Variants in GRM8 observed in about 807,000 individuals in gnomAD.
GRM8 encodes metabotropic glutamate receptor 8.
A neutral mutation model predicts 87.2 loss-of-function variants in GRM8; 47 were observed. That is an observed-to-expected ratio of 0.54 (90% confidence interval 0.43 to 0.69). The LOEUF (loss-of-function observed/expected upper bound fraction) is 0.69, where lower values mean the gene tolerates loss of function less well. Ranked by LOEUF, GRM8 falls within the 30% of genes least tolerant of loss-of-function variation. The pLI is 0.00. For missense variants in GRM8, 1,019 were observed against 1,139.2 expected (o/e 0.89, Z 1.52); for synonymous variants, 396 against 404.5 (o/e 0.98, Z 0.25).
rs141036951 is a variant in GRM8, at chr7:126,623,999, C to T, written c.1358-14501G>A. ...GCATGGACAGGTTCTATCTTCAGAA[C>T]GTATCTAGAATTTGCCCATTCTTTT... On this transcript the variant is annotated intron_variant, in intron 7 of 10. Coordinates refer to ENST00000339582, the MANE Select transcript of GRM8 (RefSeq NM_000845.3). Among the ~76,000 whole-genome samples the T allele has an allele frequency of 4.6e-3, 700 of 152,268 alleles. 12 individuals are homozygous for T. Among genetic ancestry groups the T allele is most frequent in the South Asian group, 0.042 (205 of 4,826 alleles).
intron 2 of GRM8, among the ~76,000 whole-genome samples, chr7:127,166,572 G>A (rs17867033): frequency 0.011 from 1,656 of 152,262 alleles, 29 homozygotes; most frequent in African/African-American, 0.037. Flanking sequence ...CATTCCAGGA[G>A]CCAGGAAAGG....
In GRM8 at chr7:126,444,869, G is replaced by C. The variant is rs530198673; in HGVS notation, c.2677+1257C>G. 4.6e-4 allele frequency among the ~76,000 whole-genome samples: 70 copies of C among 152,090 alleles called. 1 individual carries two copies. The highest frequency in any genetic ancestry group is 2.2e-3 in the Admixed American group (33 of 15,242). ...GGATTTTGTCCTTAATGCCTGACCG[G>C]GTGTGGTAACTCACACCTGCAATCC... On this transcript the variant is annotated intron_variant, in intron 10 of 10. Transcript: ENST00000339582.
chr7:127,104,835 A>G (rs1273105898), intron 3 of GRM8, among the ~76,000 whole-genome samples: 2 of 152,198 alleles, frequency 1.3e-5, no homozygotes, highest in Non-Finnish European at 2.9e-5. Context: ...AAAACTAAGT[A>G]TTTCTTATTT....
intron 3 of GRM8, among the ~76,000 whole-genome samples, chr7:127,026,683 T>TCC (rs1816812355): frequency 6.6e-6 from 1 of 151,960 alleles, no homozygotes; most frequent in South Asian, 2.1e-4. Flanking sequence ...TTTGCCCACT[T>TCC]TTTGATGGTT....
intron 2 of GRM8, among the ~76,000 whole-genome samples, chr7:127,220,928 C>T (rs568710187): frequency 2.6e-5 from 4 of 152,310 alleles, no homozygotes; most frequent in African/African-American, 9.6e-5. Context: ...GTCACCAAGC[C>T]ATGCAGCCCT....
At chr7:126,485,374 G>T (rs151201353) in intron 9 of GRM8, among the ~76,000 whole-genome samples, 7 of 151,830 alleles carry the variant, frequency 4.6e-5, no homozygotes, top group Non-Finnish European at 4.4e-5. Flanking sequence ...AAAAGGGGGT[G>T]GGGGGCATGA....
At chr7:126,585,337 C>T (rs560541640) in intron 8 of GRM8, among the ~76,000 whole-genome samples, 10 of 152,222 alleles carry the variant, frequency 6.6e-5, no homozygotes, top group African/African-American at 2.4e-4. Context: ...AACACATCTC[C>T]TAATTTCCAG....
intron 3 of GRM8, among the ~76,000 whole-genome samples, chr7:126,982,202 A>G (rs1811609233): frequency 6.6e-6 from 1 of 152,168 alleles, no homozygotes; most frequent in Non-Finnish European, 1.5e-5. Context: ...TAACCTTTTC[A>G]TGCTTTTCTG....
At chr7:126,732,626 T>C (rs2151485723) in intron 7 of GRM8, among the ~76,000 whole-genome samples, 1 of 152,272 alleles carries the variant, frequency 6.6e-6, no homozygotes, top group African/African-American at 2.4e-5. Flanking sequence ...CTTATCCTTA[T>C]TTGTGCAGTC....
intron 3 of GRM8, among the ~76,000 whole-genome samples, chr7:126,952,649 G>C (rs565496683): frequency 2.0e-5 from 3 of 152,172 alleles, no homozygotes; most frequent in African/African-American, 7.2e-5. Context: ...CCCATGACAT[G>C]ATGTGCTGAG....
At chr7:126,508,573 G>T (rs540768656) in intron 9 of GRM8, among the ~76,000 whole-genome samples, 1 of 152,006 alleles carries the variant, frequency 6.6e-6, no homozygotes, top group Non-Finnish European at 1.5e-5. Context: ...AAATGAATGA[G>T]ATTTGTTTTA....
intron 2 of GRM8, among the ~76,000 whole-genome samples, chr7:127,198,598 G>A (rs1452263297): frequency 6.6e-6 from 1 of 151,796 alleles, no homozygotes; most frequent in Admixed American, 6.6e-5. Context: ...TTGTTGTTTT[G>A]TTTGTCCATT....
chr7:126,869,694 G>A (rs935054523), intron 6 of GRM8: 2 of 151,924 alleles, frequency 1.3e-5, no homozygotes, highest in African/African-American at 4.8e-5. Flanking sequence ...TTTCAATAGT[G>A]GGCTTAAAGT....
chr7:126,679,255 G>T (rs1807294398), intron 7 of GRM8, among the ~76,000 whole-genome samples: 3 of 152,098 alleles, frequency 2.0e-5, no homozygotes, highest in Admixed American at 1.3e-4. Context: ...TAAAATTATT[G>T]CATCAAATGT....
intron 7 of GRM8, among the ~76,000 whole-genome samples, chr7:126,701,549 A>T (rs1809931891): frequency 6.6e-6 from 1 of 152,142 alleles, no homozygotes; most frequent in Non-Finnish European, 1.5e-5. Flanking sequence ...TGTTTCTAGT[A>T]AACTCTCCCA....
chr7:126,632,616 A>G (rs2151178903), intron 7 of GRM8, among the ~76,000 whole-genome samples: 1 of 152,306 alleles, frequency 6.6e-6, no homozygotes, highest in Non-Finnish European at 1.5e-5. Flanking sequence ...ACAATAAAAA[A>G]GTCATGCAAT....
intron 3 of GRM8, among the ~76,000 whole-genome samples, chr7:127,034,597 T>C (rs192903739): frequency 6.6e-6 from 1 of 152,294 alleles, no homozygotes; most frequent in African/African-American, 2.4e-5. Flanking sequence ...TGTTGTTGAC[T>C]CAAGTTCAGA....
At chr7:126,485,481 A>G (rs967131997) in intron 9 of GRM8, among the ~76,000 whole-genome samples, 1 of 151,960 alleles carries the variant, frequency 6.6e-6, no homozygotes, top group African/African-American at 2.4e-5. Context: ...TAATTGCAAT[A>G]TGTGAAATGA....
chr7:126,743,781 C>T (rs1202150757), intron 7 of GRM8, among the ~76,000 whole-genome samples: 1 of 151,998 alleles, frequency 6.6e-6, no homozygotes, highest in Non-Finnish European at 1.5e-5. Flanking sequence ...TCAATGTAGT[C>T]CACAGATCCC....
Sources: allele counts gnomAD v4.1 joint callset (sites outside exome capture counted in the v4.1 genomes callset), GRCh38; gene constraint gnomAD v4.1.1; transcripts MANE v1.5; gene names NCBI Gene and HGNC (gene_info 2026-07-23, HGNC 2026-07-21).